The following SLC5A10 variants were observed in gnomAD, a reference collection of about 807,000 sequenced individuals.
SLC5A10 encodes the protein solute carrier family 5 member 10, also known as sodium/mannose cotransporter SLC5A10.
Under a neutral mutation model 68.9 loss-of-function variants are expected in SLC5A10, and 55 were observed. That is an observed-to-expected ratio of 0.80 (90% confidence interval 0.64 to 1.00). SLC5A10 has a LOEUF of 1.00. Among genes scored for constraint, SLC5A10 ranks in the 50% least tolerant of loss-of-function variants. SLC5A10 has a pLI of 0.00. For missense variants in SLC5A10, 732 were observed against 819.3 expected, an observed-to-expected ratio of 0.89 and a Z score of 1.30; for synonymous variants, 344 against 344.8, an observed-to-expected ratio of 1.00 and a Z score of 0.02.
rs868011168 is a variant in SLC5A10, at chr17:18,969,130, G to A, written c.532G>A (p.Gly178Ser). 6.2e-7 allele frequency: 1 copy of A among 1,614,052 alleles called. No individual in the cohort carries two copies. Residue 178 changes from glycine to serine, a missense_variant, in exon 6 of 15, where the codon GGC becomes AGC. Transcript: ENST00000395645. ...CTACCTCTCCACCATCCTCACGCTCGGCATCACAGCCCTGTACACCATCGC... is the reference window on the plus strand; with the variant it reads ...CTACCTCTCCACCATCCTCACGCTCAGCATCACAGCCCTGTACACCATCGC... Reference protein sequence around the residue: ...NFYLSTILTLGITALYTIAGG... With the variant: ...NFYLSTILTLSITALYTIAGG...
At chr17:18,956,465 GTTTTTT>G (rs750867503) in intron 1 of SLC5A10, among the ~76,000 whole-genome samples, 4 of 98,010 alleles carry the variant, frequency 4.1e-5, no homozygotes, top group Non-Finnish European at 8.1e-5. Context: ...TTTTCTTTCT[GTTTTTT>G]TTTTTTTTTT....
At chr17:18,977,399 A>G (rs2043006316) in intron 9 of SLC5A10, 2 of 629,940 alleles carry the variant, frequency 3.2e-6, no homozygotes, top group East Asian at 2.9e-5. Context: ...AGCATTAATG[A>G]TGGCCTTCCA....
chr17:18,952,132 C>A (rs2042378210), upstream of SLC5A10: 1 of 1,537,474 alleles, frequency 6.5e-7, no homozygotes, highest in Admixed American at 2.0e-5. Context: ...GAGCTCCCTG[C>A]CAGGAAACCC....
At chr17:18,985,073 G>A (rs986033684) in intron 9 of SLC5A10, among the ~76,000 whole-genome samples, 9 of 152,226 alleles carry the variant, frequency 5.9e-5, no homozygotes, top group Admixed American at 3.3e-4. Flanking sequence ...GGAGCCGAGT[G>A]AGGGTGAACC....
intron 8 of SLC5A10, chr17:18,976,072 C>CCAG (rs1480524988): frequency 6.6e-6 from 1 of 150,956 alleles, no homozygotes; most frequent in Non-Finnish European, 1.5e-5. Context: ...GCCTGTTGTC[C>CCAG]CAGCTACTTG....
chr17:18,976,806 A>G (rs376643051), intron 8 of SLC5A10, 48 bp from the exon 9 acceptor site: 1 of 1,603,676 alleles, frequency 6.2e-7, no homozygotes, highest in Non-Finnish European at 8.5e-7. Context: ...ATCCTGACAC[A>G]AGTGTCCCTC....
In SLC5A10 at chr17:19,021,818, G is replaced by C. The variant is rs1459750572; in HGVS notation, c.*1387G>C. ...CCATCCCAGTTTGTGCAGAGCGGCC[G>C]GAGGCAGTTAGGAGCCCACGTTCAG... is the stretch of plus-strand genomic sequence containing the variant. On this transcript the variant is annotated 3_prime_UTR_variant, in exon 15 of 15. Coordinates refer to ENST00000395645, the MANE Select transcript of SLC5A10 (RefSeq NM_001042450.4). This position sits in a 1 kb window ranked among gnomAD's most constrained non-coding sequence, Gnocchi z 4.1. 1.2e-6 allele frequency: 1 copy of C among 827,744 alleles called. No individual in the cohort carries two copies. Among genetic ancestry groups the C allele is most frequent in the South Asian group, 3.6e-5 (1 of 28,100 alleles). 51.3% of individuals were successfully genotyped at this position (827,744 alleles called of 1,614,324 possible).
At chr17:18,984,233 T>G (rs1316461631) in intron 9 of SLC5A10, among the ~76,000 whole-genome samples, 1 of 142,694 alleles carries the variant, frequency 7.0e-6, no homozygotes, top group East Asian at 2.1e-4. Context: ...TCCCAGCTAC[T>G]GGGGAGGCTG....
rs894633451 is a variant in SLC5A10 at position 19,019,945 on chromosome 17, C to T, written c.1626+17C>T. 14 of 1,575,924 alleles carry T rather than the reference C, an allele frequency of 8.9e-6. No individual in the cohort carries two copies. The highest frequency in any genetic ancestry group is 1.1e-5 in the Non-Finnish European group (13 of 1,160,438). On this transcript the variant is annotated intron_variant, in intron 13 of 14. Coordinates refer to ENST00000395645, the MANE Select transcript of SLC5A10 (RefSeq NM_001042450.4). Reference sequence around the variant, plus strand: ...AGTGTCCAGGTGAGCCAGCCCTGACCCCTGACCCTGACCCCTAACAATTTC... The same window carrying T: ...AGTGTCCAGGTGAGCCAGCCCTGACTCCTGACCCTGACCCCTAACAATTTC...
Position 18,971,230 on chromosome 17 carries a change from C to T in SLC5A10, c.846+12C>T, listed in dbSNP as rs374504492. The T allele has an allele frequency of 4.6e-5, 74 of 1,613,450 alleles. No homozygotes were observed. In the East Asian group the frequency reaches 6.0e-4, roughly 13 times the overall value. On this transcript the variant is annotated intron_variant, in intron 8 of 14. Transcript: ENST00000395645. This position sits in a 1 kb window ranked among gnomAD's most constrained non-coding sequence, Gnocchi z 5.5. ...GGTGCACCGACCAGGTGAGTGCCAA[C>T]GTCTCCCGCCCATCCCACCTTCCTG...
At position 18,960,558 on chromosome 17, in the gene SLC5A10, T is replaced by C; in HGVS notation, c.359T>C (p.Leu120Ser). The change falls in exon 5 of 15, where the codon TTA (leucine) becomes TCA (serine). Residue 120 changes from leucine (L) to serine (S), a missense_variant. Physicochemically the swap from Leu to Ser is moderately radical, Grantham distance 145. Coordinates refer to ENST00000395645, the MANE Select transcript of SLC5A10 (RefSeq NM_001042450.4). Reference protein sequence around the residue: ...PIYISSEIVTLPEYIQKRYGG... With the variant: ...PIYISSEIVTSPEYIQKRYGG... ...CATGTGCCTTCCCAGATCGTCACCT[T>C]ACCTGAGTACATTCAGAAGCGCTAC... The C allele has an allele frequency of 1.2e-6, 2 of 1,614,060 alleles. No homozygotes were observed. Among genetic ancestry groups the C allele is most frequent in the Non-Finnish European group, 1.7e-6 (2 of 1,179,954 alleles).
chr17:19,007,572 G>T (rs1485096511), intron 9 of SLC5A10, among the ~76,000 whole-genome samples: 1 of 151,956 alleles, frequency 6.6e-6, no homozygotes, highest in East Asian at 1.9e-4. Flanking sequence ...CTGGCTAATT[G>T]TTTTTTATTT....
intron 9 of SLC5A10, among the ~76,000 whole-genome samples, chr17:18,986,744 C>T (rs570237013): frequency 1.4e-3 from 209 of 152,336 alleles, no homozygotes; most frequent in Non-Finnish European, 2.1e-3. Flanking sequence ...TGCGTCTGCA[C>T]GCTGGGGGAA....
Position 19,020,598 on chromosome 17 carries a change from G to A in SLC5A10, c.*167G>A. On this transcript the variant is annotated 3_prime_UTR_variant, in exon 15 of 15. Coordinates refer to ENST00000395645, the MANE Select transcript of SLC5A10 (RefSeq NM_001042450.4). ...GCAAAGCGGGAGCCCTGAAAAATTA[G>A]GGGGGAAATGGGAGAAAATAATGTG... The A allele has an allele frequency of 1.7e-6, 1 of 600,736 alleles. No homozygotes were observed. Among genetic ancestry groups the A allele is most frequent in the South Asian group, 2.1e-5 (1 of 47,518 alleles). 37.2% of individuals were successfully genotyped at this position (600,736 alleles called of 1,614,324 possible).
chr17:18,959,725 A>C (rs949029389), intron 4 of SLC5A10, 62 bp downstream of exon 4: 1 of 1,501,596 alleles, frequency 6.7e-7, no homozygotes, highest in African/African-American at 1.4e-5. Flanking sequence ...TGGTGGTAGT[A>C]ATGGGCAGGA....
intron 8 of SLC5A10, among the ~76,000 whole-genome samples, chr17:18,975,345 G>A (rs77345129): frequency 0.018 from 2,672 of 152,300 alleles, 73 homozygotes; most frequent in African/African-American, 0.061. Context: ...CAGCTTAGGG[G>A]TAAATGCTGG....
At chr17:18,959,750 C>T in intron 4 of SLC5A10, 87 bp downstream of exon 4, 2 of 1,224,394 alleles carry the variant, frequency 1.6e-6, no homozygotes, top group African/African-American at 1.5e-5. Context: ...CGTGGCCTCA[C>T]ATCAGGAGTT....
At chr17:18,966,016 C>G (rs1035458363) in intron 5 of SLC5A10, among the ~76,000 whole-genome samples, 1 of 152,178 alleles carries the variant, frequency 6.6e-6, no homozygotes, top group Admixed American at 6.5e-5. Flanking sequence ...ATCAGGGCGC[C>G]GTGTGGCACA....
At position 19,004,436 on chromosome 17, in the gene SLC5A10, G is replaced by A. The variant is rs1021106058; in HGVS notation, c.983-8974G>A. Among the ~76,000 whole-genome samples, 8 of 152,212 alleles carry A rather than the reference G, an allele frequency of 5.3e-5. No homozygotes were observed. Among genetic ancestry groups the A allele is most frequent in the African/African-American group, 1.7e-4 (7 of 41,468 alleles). ...TCCCAGATTTCCGGAGCTGCCTGAA[G>A]TCCTCGCAACTTCTGAGGGAAACTA... On this transcript the variant is annotated intron_variant, in intron 9 of 14. Transcript: ENST00000395645. The surrounding 1 kb of genome is among the most constrained non-coding windows in gnomAD (Gnocchi z 5.4).
Sources: gnomAD v4.1 joint callset for allele counts (sites outside exome capture counted in the v4.1 genomes callset) on GRCh38, gnomAD v4.1.1 for gene constraint, Gnocchi (gnomAD v3.1) non-coding constraint, MANE v1.5 for transcripts, NCBI Gene and HGNC (gene_info 2026-07-23, HGNC 2026-07-21) for gene names.